The following CD300A variants were observed in gnomAD, a reference collection of about 807,000 sequenced individuals.
CD300A encodes CD300a molecule.
Under a neutral mutation model 33.6 loss-of-function variants are expected in CD300A, and 22 were observed. That is an observed-to-expected ratio of 0.66 (90% CI 0.47 to 0.94). The LOEUF is 0.94. Ranked by LOEUF, CD300A falls within the 40% of genes least tolerant of loss-of-function variation. The probability of loss-of-function intolerance (pLI) is 0.00; values close to 1 mark genes in which losing one functional copy is unlikely to be tolerated. For synonymous variants in CD300A, 136 were observed against 148.1 expected (o/e 0.92, Z 0.59); for missense variants, 326 against 360.5 (o/e 0.90, Z 0.77).
At chr17:74,477,404 G>A in intron 3 of CD300A, 32 bp from the exon 4 acceptor site, 1 of 1,494,792 alleles carries the variant, frequency 6.7e-7, no homozygotes, top group Non-Finnish European at 9.3e-7. Flanking sequence ...AGGCAAGTTG[G>A]CCCCGCCCTT....
At chr17:74,477,377 A>C in intron 3 of CD300A, 59 bp from the exon 4 acceptor site, 1 of 1,136,444 alleles carries the variant, frequency 8.8e-7, no homozygotes, top group Non-Finnish European at 1.3e-6. Flanking sequence ...AATAAAAATA[A>C]AAAAGTAAGT....
At chr17:74,473,452 C>G (rs1181172831) in intron 1 of CD300A, 84 bp from the exon 2 acceptor site, 5 of 1,328,580 alleles carry the variant, frequency 3.8e-6, no homozygotes, top group Non-Finnish European at 5.2e-6. Context: ...TCCACACCCC[C>G]AGGGTCCATG....
intron 6 of CD300A, among the ~76,000 whole-genome samples, chr17:74,483,748 A>G (rs1907071968): frequency 6.6e-6 from 1 of 152,196 alleles, no homozygotes; most frequent in Non-Finnish European, 1.5e-5. Context: ...AGAATGGACC[A>G]GGCTGGGTCA....
At chr17:74,467,261 G>A (rs1360225405) in intron 1 of CD300A, among the ~76,000 whole-genome samples, 2 of 151,672 alleles carry the variant, frequency 1.3e-5, no homozygotes, top group Non-Finnish European at 2.9e-5. Context: ...GTGGGGAGCA[G>A]ATCGATAGTC....
chr17:74,472,006 C>T (rs538088296), intron 1 of CD300A, among the ~76,000 whole-genome samples: 377 of 151,988 alleles, frequency 2.5e-3, no homozygotes, highest in Non-Finnish European at 3.8e-3. Context: ...TTTGGGAGGC[C>T]GAGGCAGGTG....
In CD300A at chr17:74,466,661, G is replaced by A; in HGVS notation, c.-43G>A. The stretch of plus-strand genomic sequence containing the variant: ...GACTTTCCCCTCGGGTCCAGGTAGG[G>A]CCTGGAGCTGCTGCAAGTGCCGCCT... On this transcript the variant is annotated 5_prime_UTR_variant, in exon 1 of 7. Transcript: ENST00000360141. 27 of 1,571,406 alleles carry A rather than the reference G, an allele frequency of 1.7e-5. No individual in the cohort carries two copies. The highest frequency in any genetic ancestry group is 2.3e-5 in the Non-Finnish European group (27 of 1,156,632).
At chr17:74,473,494 C>T (rs1445182361) in intron 1 of CD300A, 42 bp from the exon 2 acceptor site, 1 of 1,573,214 alleles carries the variant, frequency 6.4e-7, no homozygotes, top group South Asian at 1.2e-5. Context: ...CCTGACCAGG[C>T]TCATCTGAGG....
At chr17:74,478,279 C>T (rs555665364) in intron 4 of CD300A, among the ~76,000 whole-genome samples, 5 of 152,330 alleles carry the variant, frequency 3.3e-5, no homozygotes, top group African/African-American at 1.2e-4. Flanking sequence ...GCTGTCACAG[C>T]CTTTTGGGAA....
intron 1 of CD300A, among the ~76,000 whole-genome samples, chr17:74,470,759 C>T (rs1906045922): frequency 6.6e-6 from 1 of 151,938 alleles, no homozygotes; most frequent in African/African-American, 2.4e-5. Flanking sequence ...AGTGATCCTC[C>T]CGCCTCAGCC....
At position 74,468,833 on chromosome 17, in the gene CD300A, A is replaced by G. The variant is rs78498670; in HGVS notation, c.40+2090A>G. Among the ~76,000 whole-genome samples the G allele has an allele frequency of 6.6e-3, 1,001 of 151,986 alleles. 12 individuals carry two copies. Among genetic ancestry groups the G allele is most frequent in the African/African-American group, 0.023 (956 of 41,470 alleles). ...CACCACTGCTGGCTAATTTTTTTGT[A>G]TTTTAGTAGAGACGGGGTTTCACCA... is the stretch of plus-strand genomic sequence containing the variant. On this transcript the variant is annotated intron_variant, in intron 1 of 6. Transcript: ENST00000360141.
chr17:74,474,440 C>G, intron 2 of CD300A, 92 bp from the exon 3 acceptor site: 1 of 1,291,574 alleles, frequency 7.7e-7, no homozygotes, highest in African/African-American at 1.5e-5. Context: ...CCTTAGTGGG[C>G]AGTTTGTGTG....
At chr17:74,483,659 A>G (rs1178487490) in intron 6 of CD300A, among the ~76,000 whole-genome samples, 5 of 152,136 alleles carry the variant, frequency 3.3e-5, no homozygotes, top group Non-Finnish European at 1.5e-5. Context: ...GCCTGGCCTC[A>G]AGAATATTTC....
intron 2 of CD300A, among the ~76,000 whole-genome samples, chr17:74,474,090 G>A (rs754272786): frequency 2.0e-5 from 3 of 152,118 alleles, no homozygotes; most frequent in Non-Finnish European, 2.9e-5. Context: ...CAGGGAGGCT[G>A]AGAGAGCGTT....
At chr17:74,472,754 C>T (rs373620873) in intron 1 of CD300A, among the ~76,000 whole-genome samples, 12 of 151,974 alleles carry the variant, frequency 7.9e-5, no homozygotes, top group African/African-American at 2.4e-4. Flanking sequence ...CAATTACAGG[C>T]GCATGCCACC....
Position 74,480,759 on chromosome 17 carries a change from C to T in CD300A, c.629-530C>T, listed in dbSNP as rs576051165. On this transcript the variant is annotated intron_variant, in intron 4 of 6. Coordinates refer to ENST00000360141, the MANE Select transcript of CD300A (RefSeq NM_007261.4). The surrounding 1 kb of genome is among the most constrained non-coding windows in gnomAD (Gnocchi z 4.2). Reference sequence around the variant, plus strand: ...CTTTCCTTTCTTTCTTTCTTTTTTTCGTTTTTGAGACAGAGTCTTGCTCTG... The same window carrying T: ...CTTTCCTTTCTTTCTTTCTTTTTTTTGTTTTTGAGACAGAGTCTTGCTCTG... Among the ~76,000 whole-genome samples the T allele has an allele frequency of 1.3e-3, 197 of 151,600 alleles. No individual in the cohort carries two copies. Among genetic ancestry groups the T allele is most frequent in the African/African-American group, 4.5e-3 (188 of 41,328 alleles).
intron 4 of CD300A, 107 bp from the exon 5 acceptor site, chr17:74,481,182 C>T (rs1282918468): frequency 9.9e-7 from 1 of 1,011,998 alleles, no homozygotes; most frequent in Non-Finnish European, 1.5e-6. Context: ...GATAGGTCCC[C>T]AGGGCTGAGG....
intron 6 of CD300A, among the ~76,000 whole-genome samples, chr17:74,482,702 CTTTCTTTCTTTCTTTCTTT>C (rs1567985711): frequency 6.4e-5 from 8 of 125,258 alleles, no homozygotes; most frequent in Admixed American, 2.6e-4. Flanking sequence ...TCCTTCCTTT[CTTTCTTTCTTTCTTTCTTT>C]CTTTCTTTCT....
At chr17:74,468,009 TTTTATTTA>T (rs138029210) in intron 1 of CD300A, among the ~76,000 whole-genome samples, 77 of 146,428 alleles carry the variant, frequency 5.3e-4, no homozygotes, top group Admixed American at 7.6e-4. Flanking sequence ...GCATTTTTAC[TTTTATTTA>T]TTTATTTATT....
intron 3 of CD300A, among the ~76,000 whole-genome samples, chr17:74,476,645 G>A (rs766377776): frequency 2.0e-5 from 3 of 152,216 alleles, no homozygotes; most frequent in South Asian, 4.1e-4. Context: ...CTGCTGCTGC[G>A]TGGTCAGGTG....
Sources: gnomAD v4.1 joint callset for allele counts (sites outside exome capture counted in the v4.1 genomes callset) on GRCh38, gnomAD v4.1.1 for gene constraint, Gnocchi (gnomAD v3.1) non-coding constraint, MANE v1.5 for transcripts, NCBI Gene and HGNC (gene_info 2026-07-23, HGNC 2026-07-21) for gene names.